The following CEP78 variants were observed in gnomAD, a reference collection of about 807,000 sequenced individuals.
CEP78 encodes centrosomal protein of 78 kDa.
CEP78 carries 76 observed loss-of-function variants against 81.2 expected under a neutral mutation model. The observed-to-expected ratio is 0.94, with a 90% CI of 0.78 to 1.13. The LOEUF (loss-of-function observed/expected upper bound fraction) is 1.13. CEP78 is among the 50% of genes most tolerant of loss of function. The pLI is 0.00. For synonymous variants in CEP78, 293 were observed against 301.4 expected, an observed-to-expected ratio of 0.97 and a Z score of 0.29; for missense variants, 918 against 846.8, an observed-to-expected ratio of 1.08 and a Z score of -1.04.
intron 7 of CEP78, among the ~76,000 whole-genome samples, chr9:78,248,559 A>G (rs972618374): frequency 6.6e-6 from 1 of 152,136 alleles, no homozygotes; most frequent in African/African-American, 2.4e-5. Flanking sequence ...CTATTAAGGC[A>G]CTTTTCTGCC....
rs540373914 is a variant in CEP78 at position 78,252,011 on chromosome 9, G to A, written c.1173G>A (p.Pro391=). 6.4e-5 allele frequency: 102 copies of A among 1,601,274 alleles called. No homozygotes were observed. Among genetic ancestry groups the A allele is most frequent in the East Asian group, 2.9e-4 (13 of 44,838 alleles). Residue 391 remains proline (P), a synonymous_variant, in exon 9 of 17, where the codon CCG becomes CCA. Transcript: ENST00000643273. ...CACCTGGTGTGTCTGGTTTCTTGCCGTGGCGTACTGCAGAACGTGCAAAAA... is the reference window on the plus strand; with the variant it reads ...CACCTGGTGTGTCTGGTTTCTTGCCATGGCGTACTGCAGAACGTGCAAAAA... ...PLPPGVSGFL[P]WRTAERAKRH... is the part of the protein sequence containing the mutation.
chr9:78,265,796 A>G (rs1827501312), intron 14 of CEP78, 63 bp from the exon 15 acceptor site: 1 of 881,646 alleles, frequency 1.1e-6, no homozygotes, highest in African/African-American at 1.7e-5. Flanking sequence ...GAAATGAAAG[A>G]TTAGAGAAAT....
At chr9:78,241,309 A>G (rs764963997) in intron 3 of CEP78, among the ~76,000 whole-genome samples, 1 of 152,216 alleles carries the variant, frequency 6.6e-6, no homozygotes, top group Non-Finnish European at 1.5e-5. Flanking sequence ...TTCTGGGTTT[A>G]TAGTTGACAC....
At chr9:78,253,126 A>G in intron 9 of CEP78, 106 bp from the exon 10 acceptor site, 1 of 657,154 alleles carries the variant, frequency 1.5e-6, no homozygotes, top group South Asian at 1.8e-5. Flanking sequence ...CTCTATGCAC[A>G]GTTATGTATG....
intron 10 of CEP78, among the ~76,000 whole-genome samples, chr9:78,254,172 A>G (rs886254238): frequency 2.6e-5 from 4 of 152,122 alleles, no homozygotes; most frequent in Non-Finnish European, 5.9e-5. Flanking sequence ...TGAGGAAAAG[A>G]TGAGGTTTTT....
At chr9:78,237,254 T>A (rs995353158) in intron 1 of CEP78, among the ~76,000 whole-genome samples, 2 of 152,078 alleles carry the variant, frequency 1.3e-5, no homozygotes, top group Non-Finnish European at 2.9e-5. Flanking sequence ...GTGCTGGGAT[T>A]ACAGGCATGA....
rs781331158 is a variant in CEP78, at chr9:78,236,592, TG to T, written c.247del (p.Asp83ThrfsTer6). The part of the protein sequence containing the change: ...VSIKSFFQPW[L>X]GDTGSDMNKF... ...ATCAAGAGCTTCTTCCAGCCCTGGC[TG>T]GGGGACACAGGTTTGTAGTTCCCGC... is the stretch of plus-strand genomic sequence containing the variant. On this transcript the variant is annotated frameshift_variant, in exon 1 of 17. Transcript: ENST00000643273. LOFTEE classifies it high-confidence loss of function. 2 of 1,544,230 alleles carry T rather than the reference TG, an allele frequency of 1.3e-6. No individual in the cohort carries two copies. The highest frequency in any genetic ancestry group is 1.7e-6 in the Non-Finnish European group (2 of 1,146,628).
intron 1 of CEP78, among the ~76,000 whole-genome samples, chr9:78,238,919 G>A (rs1396813687): frequency 6.6e-6 from 1 of 151,846 alleles, no homozygotes; most frequent in Non-Finnish European, 1.5e-5. Flanking sequence ...AGCCCGGGAG[G>A]TTGAGGCTGC....
At chr9:78,251,695 T>TAA (rs1826767557) in intron 8 of CEP78, among the ~76,000 whole-genome samples, 1 of 151,158 alleles carries the variant, frequency 6.6e-6, no homozygotes, top group African/African-American at 2.4e-5. Context: ...TTTATATATT[T>TAA]ATTACTTATA....
rs764602604 is a variant in CEP78, at chr9:78,265,366, G to A, written c.1626-6G>A. 4.0e-5 allele frequency: 63 copies of A among 1,570,982 alleles called. No individual in the cohort carries two copies. Among genetic ancestry groups the A allele is most frequent in the Admixed American group, 1.2e-4 (6 of 50,520 alleles). ...TGCCTTTTCCTCCTTTTCTTCTCTC[G>A]ACCAGGCTTGGGCAGCTTGCCACAA... On this transcript the variant is annotated splice_region_variant and splice_polypyrimidine_tract_variant and intron_variant, in intron 13 of 16. Transcript: ENST00000643273.
chr9:78,278,241 C>T lies in CEP78; in HGVS notation c.*7390C>T, dbSNP rs922532527. The T allele has an allele frequency of 3.9e-5, 6 of 152,190 alleles. No individual in the cohort carries two copies. Among genetic ancestry groups the T allele is most frequent in the Non-Finnish European group, 5.9e-5 (4 of 68,030 alleles). The allele number at this position is 152,190 out of a possible 1,614,324, so 9.4% of individuals were successfully genotyped here. ...AAAATGTGTACTCTGTTATCCTTTA[C>T]GCTCTGTCCATTTTTTTCTTCAAAA... On this transcript the variant is annotated 3_prime_UTR_variant, in exon 17 of 17. Transcript: ENST00000643273.
rs984860320 is a variant in CEP78 at position 78,279,431 on chromosome 9, A to G, written c.*8580A>G. On this transcript the variant is annotated 3_prime_UTR_variant, in exon 17 of 17. Transcript: ENST00000643273. ...TCCTTATTGTAACCAGATAGGAGAC[A>G]CTTTTGTATATTATTCCAAATATTG... 5.3e-5 allele frequency: 8 copies of G among 152,214 alleles called. No homozygotes were observed. Among genetic ancestry groups the G allele is most frequent in the African/African-American group, 1.7e-4 (7 of 41,444 alleles). 9.4% of individuals were successfully genotyped at this position (152,214 alleles called of 1,614,324 possible).
chr9:78,266,938 A>T lies in CEP78; in HGVS notation c.2107+235A>T, dbSNP rs777478478. The T allele has an allele frequency of 4.2e-6, 6 of 1,423,254 alleles. No homozygotes were observed. In the African/African-American group the frequency reaches 8.6e-5, roughly 20 times the overall value. The allele number at this position is 1,423,254 out of a possible 1,614,324, so 88.2% of individuals were successfully genotyped here. A position where few individuals can be genotyped will look rare whatever the true frequency, so the allele number is the denominator to read the frequency against. On this transcript the variant is annotated intron_variant, in intron 16 of 16. Coordinates refer to ENST00000643273, the MANE Select transcript of CEP78 (RefSeq NM_001330691.3). ...AAATCCAGTCCACTAGAACATTCTG[A>T]AAGTGATACTCTTGGATGTGATTTT...
At chr9:78,260,549 T>C (rs1404697072) in intron 11 of CEP78, among the ~76,000 whole-genome samples, 1 of 151,682 alleles carries the variant, frequency 6.6e-6, no homozygotes, top group Non-Finnish European at 1.5e-5. Context: ...CTACTAAAAA[T>C]ACAAAAAATT....
At chr9:78,251,813 C>A in intron 8 of CEP78, 95 bp from the exon 9 acceptor site, 1 of 1,044,048 alleles carries the variant, frequency 9.6e-7, no homozygotes, top group Admixed American at 2.6e-5. Context: ...TTGTCAGGTG[C>A]CCATTTGTAT....
intron 12 of CEP78, among the ~76,000 whole-genome samples, chr9:78,263,814 A>G (rs1006313869): frequency 1.7e-4 from 26 of 152,178 alleles, no homozygotes; most frequent in African/African-American, 5.8e-4. Context: ...GCCAAATTGT[A>G]AAATGCTTAC....
At chr9:78,239,979 A>G (rs770524086) in intron 1 of CEP78, 44 bp from the exon 2 acceptor site, 79 of 1,458,094 alleles carry the variant, frequency 5.4e-5, no homozygotes, top group Non-Finnish European at 7.1e-5. Flanking sequence ...TGAATGATAC[A>G]TTGTATGATT....
intron 11 of CEP78, among the ~76,000 whole-genome samples, chr9:78,255,474 A>G (rs1010628436): frequency 2.0e-5 from 3 of 152,210 alleles, no homozygotes; most frequent in African/African-American, 4.8e-5. Context: ...TTCTGGAGGC[A>G]GGAGAGTCCA....
In CEP78 at chr9:78,258,977, C is replaced by T. The variant is rs1255282949; in HGVS notation, c.1381-3930C>T. 5.9e-5 allele frequency among the ~76,000 whole-genome samples: 9 copies of T among 152,266 alleles called. 1 individual carries two copies. The highest frequency in any genetic ancestry group is 1.7e-4 in the African/African-American group (7 of 41,554). On this transcript the variant is annotated intron_variant, in intron 11 of 16. Transcript: ENST00000643273. The stretch of plus-strand genomic sequence containing the variant: ...TCTATCAATGGAAAGTATATAAATA[C>T]GTTGGGACCCAACAAGTCATCTGAG...
Sources: gnomAD v4.1 joint callset for allele counts (sites outside exome capture counted in the v4.1 genomes callset) on GRCh38, gnomAD v4.1.1 for gene constraint, MANE v1.5 for transcripts, NCBI Gene and HGNC (gene_info 2026-07-23, HGNC 2026-07-21) for gene names.